Variants in ACAA1 observed in about 807,000 individuals in gnomAD.
The protein encoded by ACAA1 is acetyl-CoA acyltransferase 1, also known as 3-ketoacyl-CoA thiolase, peroxisomal.
A neutral mutation model predicts 48.8 loss-of-function variants in ACAA1; 44 were observed. That is an observed-to-expected ratio of 0.90 (90% CI 0.71 to 1.16). ACAA1 has a LOEUF of 1.16. Ranked by LOEUF, ACAA1 falls within the 50% of genes most tolerant of loss-of-function variation. ACAA1 has a pLI of 0.00. For synonymous variants in ACAA1, 233 were observed against 226.5 expected (o/e 1.03, Z -0.26); for missense variants, 512 against 562.3 (o/e 0.91, Z 0.90).
At position 38,136,608 on chromosome 3, in the gene ACAA1, C is replaced by T. The variant is rs952749430; in HGVS notation, c.249G>A (p.Leu83=). 1.2e-6 allele frequency: 2 copies of T among 1,613,966 alleles called. No homozygotes were observed. Among genetic ancestry groups the T allele is most frequent in the African/African-American group, 1.3e-5 (1 of 74,938 alleles). ...TTCGCTCACCGACACAGATGTCCCC[C>T]AGCTGTTCCGGCCTCAGATTCACGT... is the stretch of plus-strand genomic sequence containing the variant. The part of the protein sequence containing the change: ...LKDVNLRPEQ[L]GDICVGNVLQ... The change falls in exon 2 of 12, where the codon CTG becomes CTA. Residue 83 remains leucine, a synonymous_variant. Transcript: ENST00000333167.
intron 3 of ACAA1, chr3:38,132,210 TCC>T: frequency 1.2e-5 from 5 of 419,920 alleles, no homozygotes; most frequent in Non-Finnish European, 1.8e-5. Flanking sequence ...AGGCACTTGC[TCC>T]CCAGGGCCCC....
chr3:38,122,834 A>G lies in ACAA1; in HGVS notation c.*213T>C, dbSNP rs1222601392. 1.2e-6 allele frequency: 1 copy of G among 821,938 alleles called. No homozygotes were observed. Among genetic ancestry groups the G allele is most frequent in the Non-Finnish European group, 1.8e-6 (1 of 542,856 alleles). 50.9% of individuals were successfully genotyped at this position (821,938 alleles called of 1,614,324 possible). Reference sequence around the variant, plus strand: ...CAGGCTGCTTTTATCTTGCACAGCTAAAGAGGGTCTGATGGGTGGCTCAAC... The same window carrying G: ...CAGGCTGCTTTTATCTTGCACAGCTGAAGAGGGTCTGATGGGTGGCTCAAC... On this transcript the variant is annotated 3_prime_UTR_variant, in exon 12 of 12. Coordinates refer to ENST00000333167, the MANE Select transcript of ACAA1 (RefSeq NM_001607.4).
intron 10 of ACAA1, 27 bp from the exon 11 acceptor site, chr3:38,125,737 A>T: frequency 6.2e-7 from 1 of 1,613,384 alleles, no homozygotes; most frequent in Non-Finnish European, 8.5e-7. Flanking sequence ...CATCACCTAT[A>T]GCCCTCTTAC....
In ACAA1 at chr3:38,131,918, TA is replaced by T; in HGVS notation, c.403+7del. 4.3e-6 allele frequency: 7 copies of T among 1,612,924 alleles called. No homozygotes were observed. The highest frequency in any genetic ancestry group is 5.9e-6 in the Non-Finnish European group (7 of 1,179,010). On this transcript the variant is annotated splice_region_variant and intron_variant, in intron 4 of 11. Transcript: ENST00000333167. ...CAGGACCAAGGCACCCACCCAGTCA[TA>T]ACTTACCTGCTATGCTGGCCACTGC...
Position 38,122,750 on chromosome 3 carries a change from C to G in ACAA1, c.*297G>C. 7.8e-7 allele frequency: 1 copy of G among 1,276,528 alleles called. No homozygotes were observed. The highest frequency in any genetic ancestry group is 1.0e-6 in the Non-Finnish European group (1 of 964,208). The allele number at this position is 1,276,528 out of a possible 1,614,324, so 79.1% of individuals were successfully genotyped here. On this transcript the variant is annotated 3_prime_UTR_variant, in exon 12 of 12. Transcript: ENST00000333167. The stretch of plus-strand genomic sequence containing the variant: ...CACTTTTACTATGCCCATTGCACTT[C>G]TCATCCATGGATTTGCCTTGCCTTA...
Position 38,136,681 on chromosome 3 carries a change from G to T in ACAA1, c.176C>A (p.Thr59Asn). 2 of 1,610,018 alleles carry T rather than the reference G, an allele frequency of 1.2e-6. No individual in the cohort carries two copies. The highest frequency in any genetic ancestry group is 1.7e-6 in the Non-Finnish European group (2 of 1,177,658). ...CRAGRGGFKD[T>N]TPDELLSAVM... ...TGCCGAGAGAAGCTCGTCGGGGGTGGTGTCCTGCAGCAGAAAGAGCAGCCG... is the reference window on the plus strand; with the variant it reads ...TGCCGAGAGAAGCTCGTCGGGGGTGTTGTCCTGCAGCAGAAAGAGCAGCCG... The change falls in exon 2 of 12, where the codon ACC becomes AAC. Residue 59 changes from threonine (T) to asparagine (N), a missense_variant. Coordinates refer to ENST00000333167, the MANE Select transcript of ACAA1 (RefSeq NM_001607.4).
At position 38,125,769 on chromosome 3, in the gene ACAA1, C is replaced by T. The variant is rs370654139; in HGVS notation, c.1053+57G>A. On this transcript the variant is annotated intron_variant, in intron 10 of 11. Transcript: ENST00000333167. ...TTACCCCTCCCCTGCACCACCTGCCCGCTCACTCCACCTCGGCTGTCCAGG... is the reference window on the plus strand; with the variant it reads ...TTACCCCTCCCCTGCACCACCTGCCTGCTCACTCCACCTCGGCTGTCCAGG... The T allele has an allele frequency of 7.1e-4, 1,144 of 1,613,970 alleles. 2 individuals carry two copies. Among genetic ancestry groups the T allele is most frequent in the Non-Finnish European group, 8.7e-4 (1,031 of 1,179,972 alleles).
Position 38,133,942 on chromosome 3 carries a change from A to T in ACAA1, c.323+10T>A, listed in dbSNP as rs1700838126. ...ATGGCCAACCCATGGCTAGAACTAG[A>T]AAAGTTTACCTCAGAAACTGGGCGA... is the stretch of plus-strand genomic sequence containing the variant. On this transcript the variant is annotated intron_variant, in intron 3 of 11. Transcript: ENST00000333167. 6.2e-7 allele frequency: 1 copy of T among 1,614,034 alleles called. No homozygotes were observed. The highest frequency in any genetic ancestry group is 1.3e-5 in the African/African-American group (1 of 74,916).
chr3:38,123,257 G>T, intron 11 of ACAA1, 135 bp from the exon 12 acceptor site: 1 of 772,714 alleles, frequency 1.3e-6, no homozygotes, highest in Non-Finnish European at 2.2e-6. Flanking sequence ...GCGGTACCCT[G>T]GCCTCCCACT....
rs552584008 is a variant in ACAA1, at chr3:38,129,192, A to G, written c.545+98T>C. 3.5e-5 allele frequency: 39 copies of G among 1,118,488 alleles called. No individual in the cohort carries two copies. Among genetic ancestry groups the G allele is most frequent in the South Asian group, 3.5e-4 (25 of 71,832 alleles). The allele number at this position is 1,118,488 out of a possible 1,614,324, so 69.3% of individuals were successfully genotyped here. A position where few individuals can be genotyped will look rare whatever the true frequency, so the allele number is the denominator to read the frequency against. On this transcript the variant is annotated intron_variant, in intron 6 of 11. Coordinates refer to ENST00000333167, the MANE Select transcript of ACAA1 (RefSeq NM_001607.4). This position sits in a 1 kb window ranked among gnomAD's most constrained non-coding sequence, Gnocchi z 5.3. ...AGACCATGCCCAAAGGAAGGAGGCC[A>G]AGGCTTGGCACCACCAGCCACAGAG...
intron 5 of ACAA1, among the ~76,000 whole-genome samples, chr3:38,130,026 C>T (rs1160683973): frequency 6.6e-6 from 1 of 152,028 alleles, no homozygotes; most frequent in African/African-American, 2.4e-5. Flanking sequence ...GGCGACAGAG[C>T]GAGACTCTGT....
rs1411501857 is a variant in ACAA1, at chr3:38,125,722, C to A, written c.1054-12G>T. 2.5e-6 allele frequency: 4 copies of A among 1,610,290 alleles called. No individual in the cohort carries two copies. Among genetic ancestry groups the A allele is most frequent in the African/African-American group, 1.3e-5 (1 of 74,888 alleles). ...ACACAGTAGGCAGCCTGGAAGGAGG[C>A]AGATCATCACCTATAGCCCTCTTAC... On this transcript the variant is annotated splice_polypyrimidine_tract_variant and intron_variant, in intron 10 of 11. Coordinates refer to ENST00000333167, the MANE Select transcript of ACAA1 (RefSeq NM_001607.4).
chr3:38,136,728 G>T, intron 1 of ACAA1, 43 bp from the exon 2 acceptor site: 4 of 1,554,098 alleles, frequency 2.6e-6, no homozygotes, highest in Non-Finnish European at 2.6e-6. Flanking sequence ...ACTCCCCCAT[G>T]CCCACCCCAG....
At chr3:38,123,284 G>C (rs1221918212) in intron 11 of ACAA1, 162 bp from the exon 12 acceptor site, 2 of 652,284 alleles carry the variant, frequency 3.1e-6, no homozygotes, top group Non-Finnish European at 5.5e-6. Context: ...CACACACGGT[G>C]ACAGATGCCC....
chr3:38,124,349 G>A (rs1700626746), intron 11 of ACAA1: 1 of 152,204 alleles, frequency 6.6e-6, no homozygotes, highest in South Asian at 2.1e-4. Context: ...GCTCACACCT[G>A]TAATCCCAGC....
At chr3:38,123,151 C>T (rs182939941) in intron 11 of ACAA1, 29 bp from the exon 12 acceptor site, 4 of 1,608,910 alleles carry the variant, frequency 2.5e-6, no homozygotes, top group African/African-American at 2.7e-5. Context: ...ATTGGCTGGG[C>T]AAAGGCACCC....
At chr3:38,125,923 T>C in intron 9 of ACAA1, 42 bp from the exon 10 acceptor site, 1 of 1,612,386 alleles carries the variant, frequency 6.2e-7, no homozygotes, top group African/African-American at 1.3e-5. Flanking sequence ...ACTGGCCCTC[T>C]GCCTCCCCTG....
Position 38,126,345 on chromosome 3 carries a change from G to A in ACAA1, c.818-4C>T, listed in dbSNP as rs1469157104. ...TCACTCACCTGGCTAGAGTTTCCTAGGGGCAAACTGTTGGGGTAAGAAGGC... is the reference window on the plus strand; with the variant it reads ...TCACTCACCTGGCTAGAGTTTCCTAAGGGCAAACTGTTGGGGTAAGAAGGC... On this transcript the variant is annotated splice_region_variant and splice_polypyrimidine_tract_variant and intron_variant, in intron 8 of 11. Transcript: ENST00000333167. The surrounding 1 kb of genome is among the most constrained non-coding windows in gnomAD (Gnocchi z 4.7). The A allele has an allele frequency of 5.6e-6, 9 of 1,613,194 alleles. 1 individual carries two copies. Among genetic ancestry groups the A allele is most frequent in the Non-Finnish European group, 7.6e-6 (9 of 1,179,444 alleles).
intron 9 of ACAA1, 95 bp from the exon 10 acceptor site, chr3:38,125,976 T>G: frequency 6.4e-7 from 1 of 1,574,516 alleles, no homozygotes; most frequent in East Asian, 2.2e-5. Context: ...CTGGTGTGTG[T>G]CTCTTCCAGA....
Sources: allele counts gnomAD v4.1 joint callset (sites outside exome capture counted in the v4.1 genomes callset), GRCh38; gene constraint gnomAD v4.1.1; non-coding constraint Gnocchi (gnomAD v3.1); transcripts MANE v1.5; gene names NCBI Gene and HGNC (gene_info 2026-07-23, HGNC 2026-07-21).